Variants in VPS8 observed in about 807,000 individuals in gnomAD.
VPS8 encodes vacuolar protein sorting-associated protein 8 homolog.
In VPS8, 129 loss-of-function variants were observed where a neutral mutation model predicts 216.4. The observed-to-expected ratio is 0.60, with a 90% CI of 0.52 to 0.69. The LOEUF is 0.69. VPS8 is among the 30% of genes least tolerant of loss of function. The pLI is 0.00. For missense variants in VPS8, 1,531 were observed against 1,683.5 expected (o/e 0.91, Z 1.59); for synonymous variants, 571 against 565.4 (o/e 1.01, Z -0.14).
chr3:184,903,531 A>G (rs553870471), intron 25 of VPS8, among the ~76,000 whole-genome samples: 1 of 152,288 alleles, frequency 6.6e-6, no homozygotes, highest in South Asian at 2.1e-4. Context: ...AGTTCATTGC[A>G]GCCTCAAACT....
At chr3:184,827,581 T>G (rs918931110) in intron 3 of VPS8, among the ~76,000 whole-genome samples, 1 of 152,208 alleles carries the variant, frequency 6.6e-6, no homozygotes, top group African/African-American at 2.4e-5. Context: ...AAAAATAATC[T>G]TAGAGGACTG....
intron 28 of VPS8, 119 bp downstream of exon 28, chr3:184,915,593 G>C (rs983022431): frequency 8.3e-6 from 9 of 1,079,576 alleles, no homozygotes; most frequent in Middle Eastern, 3.4e-4. Flanking sequence ...CAGATCATCT[G>C]AGGTCAGGAG....
intron 36 of VPS8, chr3:184,944,594 GTATATT>G (rs1743345025): frequency 1.0e-6 from 1 of 984,334 alleles, no homozygotes. Flanking sequence ...GAATGTGCAA[GTATATT>G]TATATTCTGA....
In VPS8 at chr3:184,915,387, A is replaced by T. The variant is rs746778603; in HGVS notation, c.2295A>T (p.Ala765=). The part of the protein sequence containing the change: ...VFEFLIRLHS[A]EASPEEEIYP... ...AATTTCTAATTCGCCTGCATTCAGC[A>T]GAGGCTTCTCCTGAGGAAGAAATCT... Residue 765 remains alanine (A), a synonymous_variant, in exon 28 of 48, where the codon GCA becomes GCT. Coordinates refer to ENST00000625842, the MANE Select transcript of VPS8 (RefSeq NM_001009921.3). 3.1e-6 allele frequency: 5 copies of T among 1,613,938 alleles called. No homozygotes were observed. The Admixed American group carries it at 8.3e-5, about 27-fold the overall frequency.
chr3:184,919,150 T>C (rs990278962), intron 28 of VPS8: 4 of 152,236 alleles, frequency 2.6e-5, no homozygotes, highest in Admixed American at 6.5e-5. Context: ...TTCAGGCCCA[T>C]TTAAAGAACA....
chr3:184,813,671 T>C (rs1471326479), intron 1 of VPS8: 2 of 152,222 alleles, frequency 1.3e-5, no homozygotes, highest in African/African-American at 4.8e-5. Context: ...AATATGTTGA[T>C]TTTTTCTTTA....
chr3:184,995,510 A>G (rs1490014964), intron 43 of VPS8, among the ~76,000 whole-genome samples: 1 of 152,246 alleles, frequency 6.6e-6, no homozygotes, highest in Non-Finnish European at 1.5e-5. Flanking sequence ...GAAGTAGAAT[A>G]GACCATTAGA....
At chr3:185,050,802 G>A (rs559957854) in intron 47 of VPS8, among the ~76,000 whole-genome samples, 1 of 152,260 alleles carries the variant, frequency 6.6e-6, no homozygotes, top group East Asian at 1.9e-4. Flanking sequence ...CGTCTCAGCT[G>A]TACACTCCCC....
intron 35 of VPS8, among the ~76,000 whole-genome samples, 180 bp downstream of exon 35, chr3:184,936,515 C>CTG (rs59011109): frequency 0.21 from 24,627 of 119,066 alleles, 2,601 homozygotes; most frequent in East Asian, 0.31. Context: ...CAACCTAATA[C>CTG]TGTGTGTGTG....
intron 20 of VPS8, 36 bp downstream of exon 20, chr3:184,869,564 T>C: frequency 6.2e-7 from 1 of 1,605,684 alleles, no homozygotes. Flanking sequence ...TAGAATACAG[T>C]GCAGATTTGC....
At chr3:184,939,455 G>T (rs950440251) in intron 35 of VPS8, among the ~76,000 whole-genome samples, 12 of 151,254 alleles carry the variant, frequency 7.9e-5, no homozygotes, top group Admixed American at 7.2e-4. Flanking sequence ...GGTTTCCCAA[G>T]AATTTAGAAA....
At chr3:184,986,605 C>T (rs73188885) in intron 42 of VPS8, among the ~76,000 whole-genome samples, 12,496 of 152,174 alleles carry the variant, frequency 0.082, 699 homozygotes, top group Non-Finnish European at 0.11. Context: ...TTTCTTGAGA[C>T]ACTGAATGAT....
intron 3 of VPS8, among the ~76,000 whole-genome samples, chr3:184,828,972 A>G (rs1033303926): frequency 7.2e-5 from 11 of 152,178 alleles, no homozygotes; most frequent in Non-Finnish European, 2.9e-5. Flanking sequence ...CTTTATATAA[A>G]TGGAATTATA....
At chr3:185,025,384 A>G (rs1306621998) in intron 46 of VPS8, among the ~76,000 whole-genome samples, 2 of 152,310 alleles carry the variant, frequency 1.3e-5, no homozygotes, top group South Asian at 2.1e-4. Context: ...TTCAGCCAGC[A>G]TCCATATCAG....
intron 46 of VPS8, among the ~76,000 whole-genome samples, chr3:185,037,787 A>G (rs1759112458): frequency 1.3e-5 from 2 of 152,176 alleles, no homozygotes; most frequent in African/African-American, 4.8e-5. Flanking sequence ...TCAACTCCAG[A>G]ATTTTCAATC....
intron 45 of VPS8, among the ~76,000 whole-genome samples, chr3:185,022,368 G>T (rs774558308): frequency 3.9e-5 from 6 of 152,110 alleles, no homozygotes; most frequent in Non-Finnish European, 1.5e-5. Flanking sequence ...AGATATTCTG[G>T]TCTCTGTATA....
chr3:184,936,932 G>T (rs180730109), intron 35 of VPS8, among the ~76,000 whole-genome samples: 111 of 152,024 alleles, frequency 7.3e-4, no homozygotes, highest in African/African-American at 2.6e-3. Context: ...TAGAGACAGG[G>T]TTTCACCATG....
chr3:184,966,553 G>A (rs1747440926), intron 38 of VPS8, 118 bp from the exon 39 acceptor site: 2 of 569,790 alleles, frequency 3.5e-6, no homozygotes, highest in Admixed American at 3.7e-5. Context: ...CTAAAGGACT[G>A]TTCTTAATAA....
chr3:184,882,431 G>A (rs1268270449), intron 21 of VPS8: 1 of 451,766 alleles, frequency 2.2e-6, no homozygotes, highest in Non-Finnish European at 4.4e-6. Context: ...ACTTGGTCAT[G>A]AGGTATAATT....
Sources: allele counts gnomAD v4.1 joint callset (sites outside exome capture counted in the v4.1 genomes callset), GRCh38; gene constraint gnomAD v4.1.1; transcripts MANE v1.5; gene names NCBI Gene and HGNC (gene_info 2026-07-23, HGNC 2026-07-21).